Variants in PTPRZ1 observed in about 807,000 individuals in gnomAD.
PTPRZ1 encodes protein tyrosine phosphatase receptor type Z1, also known as receptor-type tyrosine-protein phosphatase zeta.
In PTPRZ1, 82 loss-of-function variants were observed where a neutral mutation model predicts 214.1. That is an observed-to-expected ratio of 0.38 (90% CI 0.32 to 0.46). The LOEUF (loss-of-function observed/expected upper bound fraction) is 0.46. Among genes scored for constraint, PTPRZ1 ranks in the 20% least tolerant of loss-of-function variants. PTPRZ1 has a pLI of 1.00. For synonymous variants in PTPRZ1, 945 were observed against 987.9 expected (o/e 0.96, Z 0.81); for missense variants, 2,603 against 2,748.7 (o/e 0.95, Z 1.19).
rs577680724 is a variant in PTPRZ1 at position 122,048,360 on chromosome 7, T to TA, written c.6085-3061dup. On this transcript the variant is annotated intron_variant, in intron 23 of 29. Coordinates refer to ENST00000393386, the MANE Select transcript of PTPRZ1 (RefSeq NM_002851.3). ...GAATGTGAGTAAATAATATTGAGATTAAAAAAAGAGATATAATTTAGAAAC... is the reference window on the plus strand; with the variant it reads ...GAATGTGAGTAAATAATATTGAGATTAAAAAAAAGAGATATAATTTAGAAAC... Among the ~76,000 whole-genome samples the TA allele has an allele frequency of 7.5e-4, 114 of 152,058 alleles. 1 individual carries two copies. The highest frequency in any genetic ancestry group is 2.6e-3 in the African/African-American group (107 of 41,504).
chr7:121,979,234 A>C (rs1173180421), intron 6 of PTPRZ1, among the ~76,000 whole-genome samples: 1 of 150,808 alleles, frequency 6.6e-6, no homozygotes, highest in African/African-American at 2.4e-5. Flanking sequence ...CACCATACCT[A>C]CTCTATGTTA....
chr7:121,927,787 A>G (rs1323717587), intron 1 of PTPRZ1, among the ~76,000 whole-genome samples: 1 of 152,210 alleles, frequency 6.6e-6, no homozygotes, highest in African/African-American at 2.4e-5. Flanking sequence ...AATTAATAAG[A>G]TTTCAGGCAT....
intron 11 of PTPRZ1, among the ~76,000 whole-genome samples, chr7:122,008,416 C>A (rs1222924254): frequency 6.6e-6 from 1 of 151,948 alleles, no homozygotes; most frequent in Non-Finnish European, 1.5e-5. Context: ...ATCAGAAACA[C>A]AAAATAGACT....
chr7:121,925,570 G>A (rs1795731337), intron 1 of PTPRZ1, among the ~76,000 whole-genome samples: 1 of 152,174 alleles, frequency 6.6e-6, no homozygotes, highest in Non-Finnish European at 1.5e-5. Context: ...CAAGGCTGTT[G>A]CAGTAGGGGA....
At chr7:121,952,401 T>C (rs11768086) in intron 2 of PTPRZ1, among the ~76,000 whole-genome samples, 5,232 of 152,134 alleles carry the variant, frequency 0.034, 149 homozygotes, top group Middle Eastern at 0.068. Flanking sequence ...CTGGGCAACA[T>C]AGAGAGACTC....
chr7:121,892,882 T>A (rs566613915), intron 1 of PTPRZ1, among the ~76,000 whole-genome samples: 1 of 151,922 alleles, frequency 6.6e-6, no homozygotes, highest in South Asian at 2.1e-4. Flanking sequence ...TGGTAGTGGG[T>A]ATCTTTGTTT....
At chr7:122,052,914 A>G (rs1214930016) in intron 25 of PTPRZ1, among the ~76,000 whole-genome samples, 1 of 152,114 alleles carries the variant, frequency 6.6e-6, no homozygotes, top group Non-Finnish European at 1.5e-5. Context: ...TTTTTAATGA[A>G]ACTGTTCAAG....
Position 122,011,796 on chromosome 7 carries a change from T to C in PTPRZ1, c.2750T>C (p.Met917Thr), listed in dbSNP as rs766451246. The C allele has an allele frequency of 6.2e-7, 1 of 1,614,116 alleles. No homozygotes were observed. Among genetic ancestry groups the C allele is most frequent in the South Asian group, 1.1e-5 (1 of 91,080 alleles). The change falls in exon 12 of 30, where the codon ATG becomes ACG. Residue 917 changes from methionine to threonine, a missense_variant. By Grantham distance (81) the Met-to-Thr change is moderately conservative. This residue lies in a region of PTPRZ1 where 1,913 missense variants were observed against 1,914.3 expected (regional missense o/e 1.00). Coordinates refer to ENST00000393386, the MANE Select transcript of PTPRZ1 (RefSeq NM_002851.3). ...GAACCACCCAGCAGTGATGCCATGA[T>C]GCATGCACGTTCTTCAGGGCCTGAA... ...QVEPPSSDAM[M>T]HARSSGPEPS...
Position 122,013,663 on chromosome 7 carries a change from A to T in PTPRZ1, c.4617A>T (p.Ala1539=). 38 of 1,614,230 alleles carry T rather than the reference A, an allele frequency of 2.4e-5. No homozygotes were observed. Among genetic ancestry groups the T allele is most frequent in the Non-Finnish European group, 3.2e-5 (38 of 1,180,024 alleles). The change falls in exon 12 of 30, where the codon GCA becomes GCT. Residue 1539 remains alanine (A), a synonymous_variant. Transcript: ENST00000393386. ...TTCCTCTCAGCCCTGAATCTAAAGCATGGGCAGTTCTGACAAGTGATGAAG... is the reference window on the plus strand; with the variant it reads ...TTCCTCTCAGCCCTGAATCTAAAGCTTGGGCAGTTCTGACAAGTGATGAAG... ...ALLPLSPESK[A]WAVLTSDEES...
intron 2 of PTPRZ1, among the ~76,000 whole-genome samples, chr7:121,943,563 C>T (rs7810556): frequency 0.58 from 87,786 of 151,806 alleles, 25,844 homozygotes; most frequent in African/African-American, 0.67. Flanking sequence ...TGGTCTCGAT[C>T]TCCTGACCTC....
At chr7:122,033,878 T>A in intron 15 of PTPRZ1, 1 of 534,170 alleles carries the variant, frequency 1.9e-6, no homozygotes, top group Non-Finnish European at 3.3e-6. Flanking sequence ...AAAAGTGTTA[T>A]GTTTTCTTTT....
At chr7:122,034,062 T>G (rs1799464003) in intron 15 of PTPRZ1, 33 bp from the exon 16 acceptor site, 2 of 1,564,844 alleles carry the variant, frequency 1.3e-6, no homozygotes, top group Non-Finnish European at 1.8e-6. Context: ...GAATTTGATT[T>G]CTTTACTTTT....
chr7:121,970,328 G>T (rs1045372302), intron 3 of PTPRZ1, among the ~76,000 whole-genome samples: 1 of 152,116 alleles, frequency 6.6e-6, no homozygotes, highest in Non-Finnish European at 1.5e-5. Context: ...GTAATGGGAT[G>T]GCTGGGTCAA....
intron 28 of PTPRZ1, 180 bp from the exon 29 acceptor site, chr7:122,059,573 C>T: frequency 1.5e-6 from 1 of 661,842 alleles, no homozygotes; most frequent in African/African-American, 1.8e-5. Flanking sequence ...ATATCATGAA[C>T]ACTTGGCAAT....
chr7:122,055,049 A>G lies in PTPRZ1; in HGVS notation c.6490A>G (p.Lys2164Glu), dbSNP rs1407148668. ...ACACAAATGTCTATCTAATGAGGAA[A>G]AACTTATAATTCAGGACTTTATCTT... ...EEHKCLSNEEKLIIQDFILEA... is the reference protein window; with the variant it reads ...EEHKCLSNEEELIIQDFILEA... Residue 2164 changes from lysine (K) to glutamate (E), a missense_variant, in exon 27 of 30, where the codon AAA becomes GAA. This residue lies in a region of PTPRZ1 where 134 missense variants were observed against 183.3 expected (regional missense o/e 0.73). Coordinates refer to ENST00000393386, the MANE Select transcript of PTPRZ1 (RefSeq NM_002851.3). The G allele has an allele frequency of 1.9e-6, 3 of 1,599,456 alleles. No individual in the cohort carries two copies. Among genetic ancestry groups the G allele is most frequent in the Non-Finnish European group, 2.6e-6 (3 of 1,169,082 alleles).
chr7:122,019,135 A>G lies in PTPRZ1; in HGVS notation c.4855A>G (p.Ser1619Gly). ...TTCTCTGACTACAGAGGCCAGTAAT[A>G]GTAGCCATGAGTCTCGTATTGGTCT... Reference protein sequence around the residue: ...FHVSEAEASNSSHESRIGLAE... With the variant: ...FHVSEAEASNGSHESRIGLAE... Residue 1619 changes from serine (S) to glycine (G), a missense_variant, in exon 13 of 30, where the codon AGT (serine) becomes GGT (glycine). By Grantham distance (56) the Ser-to-Gly change is moderately conservative. Around this residue, in one of 6 missense-constraint regions of PTPRZ1, gnomAD observed 1,913 missense variants for 1,914.3 expected, o/e 1.00. Coordinates refer to ENST00000393386, the MANE Select transcript of PTPRZ1 (RefSeq NM_002851.3). 1 of 1,611,424 alleles carries G rather than the reference A, an allele frequency of 6.2e-7. No individual in the cohort carries two copies. Among genetic ancestry groups the G allele is most frequent in the Non-Finnish European group, 8.5e-7 (1 of 1,178,034 alleles).
chr7:121,962,291 A>G (rs548985337), intron 2 of PTPRZ1, among the ~76,000 whole-genome samples: 287 of 151,966 alleles, frequency 1.9e-3, no homozygotes, highest in South Asian at 6.4e-3. Context: ...TACTAAAAAT[A>G]CAAAAAGTTA....
chr7:121,917,847 G>T (rs78884894), intron 1 of PTPRZ1, among the ~76,000 whole-genome samples: 1 of 152,092 alleles, frequency 6.6e-6, no homozygotes, highest in Non-Finnish European at 1.5e-5. Flanking sequence ...AAATTAGTCA[G>T]ATCTCCCTTG....
intron 14 of PTPRZ1, among the ~76,000 whole-genome samples, chr7:122,029,761 T>C (rs769443732): frequency 6.6e-6 from 1 of 151,508 alleles, no homozygotes; most frequent in African/African-American, 2.4e-5. Flanking sequence ...TCATATGTTA[T>C]ATATATTATT....
Sources: allele counts gnomAD v4.1 joint callset (sites outside exome capture counted in the v4.1 genomes callset), GRCh38; gene constraint gnomAD v4.1.1; regional missense constraint gnomAD v4.1.1; transcripts MANE v1.5; gene names NCBI Gene and HGNC (gene_info 2026-07-23, HGNC 2026-07-21).